ZFHX3: variants seen among roughly 807,000 people sequenced by gnomAD.
The protein encoded by ZFHX3 is zinc finger homeobox protein 3.
Under a neutral mutation model 279.1 loss-of-function variants are expected in ZFHX3, and 42 were observed. That is an observed-to-expected ratio of 0.15 (90% CI 0.12 to 0.19). The LOEUF (loss-of-function observed/expected upper bound fraction) is 0.19. Ranked by LOEUF, ZFHX3 falls within the 10% of genes least tolerant of loss-of-function variation. ZFHX3 has a pLI of 1.00. For missense variants in ZFHX3, 4,981 were observed against 4,754.0 expected (o/e 1.05, Z -1.40); for synonymous variants, 2,293 against 1,957.8 (o/e 1.17, Z -4.52).
intron 1 of ZFHX3, among the ~76,000 whole-genome samples, chr16:73,806,099 C>A (rs1425966996): frequency 6.6e-6 from 1 of 152,170 alleles, no homozygotes. Flanking sequence ...AGGGGGAAGC[C>A]CCCTATAAAA....
chr16:73,259,539 G>T (rs748622016), intron 4 of ZFHX3, among the ~76,000 whole-genome samples: 2 of 152,094 alleles, frequency 1.3e-5, no homozygotes, highest in Non-Finnish European at 2.9e-5. Flanking sequence ...TGTAATATAC[G>T]AATGCATTTT....
chr16:72,920,864 G>GT (rs1194436856), intron 3 of ZFHX3, among the ~76,000 whole-genome samples: 1 of 151,832 alleles, frequency 6.6e-6, no homozygotes. Flanking sequence ...GAAGCCAGTA[G>GT]TTTGAGACCA....
intron 5 of ZFHX3, among the ~76,000 whole-genome samples, chr16:73,161,345 T>G (rs558481114): frequency 6.6e-6 from 1 of 152,306 alleles, no homozygotes; most frequent in East Asian, 1.9e-4. Context: ...CCTCGGATCA[T>G]GGAGCTGCTT....
intron 8 of ZFHX3, among the ~76,000 whole-genome samples, chr16:73,069,003 G>A (rs149137655): frequency 1.4e-3 from 212 of 152,310 alleles, no homozygotes; most frequent in Non-Finnish European, 2.5e-3. Flanking sequence ...AAGGGGGAAG[G>A]GTGGTCAGTC....
At chr16:73,175,029 A>AAACC (rs746414325) in intron 5 of ZFHX3, among the ~76,000 whole-genome samples, 43 of 151,376 alleles carry the variant, frequency 2.8e-4, no homozygotes, top group East Asian at 7.8e-4. Context: ...CCCCCTCTCA[A>AAACC]AACCAACCAA....
chr16:73,837,446 T>C (rs1961171857), intron 1 of ZFHX3, among the ~76,000 whole-genome samples: 1 of 152,222 alleles, frequency 6.6e-6, no homozygotes, highest in African/African-American at 2.4e-5. Context: ...CAAAAAGTGT[T>C]GTGGTAAAGA....
intron 4 of ZFHX3, among the ~76,000 whole-genome samples, chr16:73,300,679 T>C (rs1057462646): frequency 1.3e-5 from 2 of 152,252 alleles, no homozygotes; most frequent in Admixed American, 6.5e-5. Context: ...AATTTTTGTA[T>C]TTTTAGTAGA....
intron 1 of ZFHX3, among the ~76,000 whole-genome samples, chr16:73,806,458 G>A (rs572676986): frequency 3.9e-5 from 6 of 152,314 alleles, no homozygotes; most frequent in African/African-American, 1.4e-4. Flanking sequence ...TAGCTCCGCT[G>A]AATACAGTGT....
In ZFHX3 at chr16:73,568,473, A is replaced by G. The variant is rs182003638; in HGVS notation, c.-1547+111707T>C. Among the ~76,000 whole-genome samples, 69 of 152,300 alleles carry G rather than the reference A, an allele frequency of 4.5e-4. No homozygotes were observed. The East Asian group carries it at 0.012, about 26-fold the overall frequency. ...CACAATGGGATGGGTGATTTGCCAA[A>G]CAGACCAGAGCTCCCAAATTACCTG... is the stretch of plus-strand genomic sequence containing the variant. On this transcript the variant is annotated intron_variant, in intron 2 of 17. Transcript: ENST00000641206.
At chr16:72,879,995 A>G (rs1209394639) in intron 4 of ZFHX3, among the ~76,000 whole-genome samples, 3 of 152,130 alleles carry the variant, frequency 2.0e-5, no homozygotes, top group Admixed American at 2.0e-4. Flanking sequence ...CTGTCCTAAC[A>G]AGTGTCTTTG....
chr16:72,845,111 A>T (rs2037445775), intron 4 of ZFHX3, among the ~76,000 whole-genome samples: 1 of 152,142 alleles, frequency 6.6e-6, no homozygotes, highest in South Asian at 2.1e-4. Flanking sequence ...CGGACACCAG[A>T]GGCTTGCTTC....
intron 2 of ZFHX3, chr16:73,487,419 T>G (rs1292649138): frequency 4.6e-6 from 2 of 436,158 alleles, no homozygotes; most frequent in African/African-American, 4.1e-5. Flanking sequence ...TTTTTTTTTT[T>G]TTTGGCAGAG....
chr16:73,671,656 A>G (rs2052905267), intron 2 of ZFHX3, among the ~76,000 whole-genome samples: 1 of 152,236 alleles, frequency 6.6e-6, no homozygotes, highest in African/African-American at 2.4e-5. Context: ...GGAGTAGTCA[A>G]TATTTTAATG....
At chr16:73,317,938 A>C (rs2015491327) in intron 4 of ZFHX3, among the ~76,000 whole-genome samples, 1 of 152,218 alleles carries the variant, frequency 6.6e-6, no homozygotes, top group Non-Finnish European at 1.5e-5. Context: ...AGTGATACTG[A>C]CAATTAAGGC....
intron 5 of ZFHX3, among the ~76,000 whole-genome samples, chr16:73,224,111 C>G (rs553688368): frequency 8.5e-5 from 13 of 152,264 alleles, no homozygotes; most frequent in Admixed American, 4.6e-4. Context: ...ATACATGTCA[C>G]TATAAATTTG....
At chr16:73,552,353 T>C in intron 2 of ZFHX3, among the ~76,000 whole-genome samples, 1 of 152,162 alleles carries the variant, frequency 6.6e-6, no homozygotes, top group Admixed American at 6.6e-5. Context: ...TTTTGGCACC[T>C]AAAAAGTATA....
intron 2 of ZFHX3, among the ~76,000 whole-genome samples, chr16:72,957,011 C>T (rs1300218431): frequency 2.0e-5 from 3 of 152,166 alleles, no homozygotes; most frequent in African/African-American, 2.4e-5. Flanking sequence ...ATTGAGGTAA[C>T]TGTCCCTAGT....
In ZFHX3 at chr16:72,957,513, T is replaced by C. The variant is rs151321287; in HGVS notation, c.2633A>G (p.Asp878Gly). Residue 878 changes from aspartate (D) to glycine (G), a missense_variant, in exon 2 of 10, where the codon GAC becomes GGC. Physicochemically the swap from Asp to Gly is moderately conservative, Grantham distance 94. This residue lies in a region of ZFHX3 where 1,751 missense variants were observed against 1,770.0 expected (regional missense o/e 0.99). Transcript: ENST00000268489. ...QNMNLPNLKM[D>G]SAASDAQFMM... ...GAACTGGGCGTCCGAGGCAGCACTG[T>C]CCATCTTCAGGTTGGGCAGGTTCAT... The C allele has an allele frequency of 2.1e-5, 34 of 1,614,064 alleles. No individual in the cohort carries two copies. The highest frequency in any genetic ancestry group is 2.7e-5 in the African/African-American group (2 of 74,932).
intron 1 of ZFHX3, among the ~76,000 whole-genome samples, chr16:73,038,024 A>C (rs1379929941): frequency 6.6e-6 from 1 of 151,848 alleles, no homozygotes. Context: ...CACATACATC[A>C]CCCTTCTTAG....
Sources: allele counts gnomAD v4.1 joint callset (sites outside exome capture counted in the v4.1 genomes callset), GRCh38; gene constraint gnomAD v4.1.1; regional missense constraint gnomAD v4.1.1; transcripts MANE v1.5; gene names NCBI Gene and HGNC (gene_info 2026-07-23, HGNC 2026-07-21).